Variants in SRRM4 observed in about 807,000 individuals in gnomAD.
The protein encoded by SRRM4 is serine/arginine repetitive matrix 4.
In SRRM4, 33 loss-of-function variants were observed where a neutral mutation model predicts 68.9. That is an observed-to-expected ratio of 0.48 (90% CI 0.36 to 0.64). SRRM4 has a LOEUF of 0.64. Ranked by LOEUF, SRRM4 falls within the 30% of genes least tolerant of loss-of-function variation. The pLI is 0.00. For missense variants in SRRM4, 817 were observed against 827.1 expected, an observed-to-expected ratio of 0.99 and a Z score of 0.15; for synonymous variants, 318 against 318.8, an observed-to-expected ratio of 1.00 and a Z score of 0.03.
chr12:119,023,510 T>C (rs1228328360), intron 1 of SRRM4, among the ~76,000 whole-genome samples: 1 of 152,222 alleles, frequency 6.6e-6, no homozygotes, highest in Non-Finnish European at 1.5e-5. Context: ...TCCAGTCACA[T>C]GGCTAAGGGC....
intron 1 of SRRM4, among the ~76,000 whole-genome samples, chr12:119,099,400 C>T (rs1306792065): frequency 6.6e-6 from 1 of 152,172 alleles, no homozygotes; most frequent in African/African-American, 2.4e-5. Context: ...TCCCGAAGTG[C>T]TGGGATTACA....
At chr12:119,102,735 C>T (rs986589530) in intron 2 of SRRM4, among the ~76,000 whole-genome samples, 1 of 152,162 alleles carries the variant, frequency 6.6e-6, no homozygotes, top group African/African-American at 2.4e-5. Context: ...CGTTCCTTTG[C>T]ATTTTAGTGG....
At chr12:119,071,309 A>G (rs1391384681) in intron 1 of SRRM4, among the ~76,000 whole-genome samples, 1 of 152,182 alleles carries the variant, frequency 6.6e-6, no homozygotes, top group African/African-American at 2.4e-5. Context: ...ATTTTCGTGT[A>G]AGACACAGAT....
intron 1 of SRRM4, among the ~76,000 whole-genome samples, chr12:119,035,029 C>T (rs2136008121): frequency 6.6e-6 from 1 of 152,146 alleles, no homozygotes; most frequent in East Asian, 1.9e-4. Flanking sequence ...CCCTGTCTCT[C>T]ACTATATGAA....
intron 1 of SRRM4, among the ~76,000 whole-genome samples, chr12:119,033,118 T>C (rs1170657861): frequency 2.0e-5 from 3 of 152,194 alleles, no homozygotes; most frequent in African/African-American, 2.4e-5. Context: ...TTCATTAATG[T>C]CTTCACTTAT....
intron 7 of SRRM4, among the ~76,000 whole-genome samples, chr12:119,127,842 G>A (rs1418818254): frequency 1.3e-5 from 2 of 152,176 alleles, no homozygotes; most frequent in Non-Finnish European, 2.9e-5. Context: ...CCTGCTCTGT[G>A]TCAGACACTG....
At chr12:119,105,063 T>C (rs1954098739) in intron 2 of SRRM4, among the ~76,000 whole-genome samples, 1 of 145,734 alleles carries the variant, frequency 6.9e-6, no homozygotes, top group African/African-American at 2.5e-5. Context: ...AGTGAGAACA[T>C]GCGGTGTTTG....
At chr12:119,065,427 G>A (rs902329235) in intron 1 of SRRM4, among the ~76,000 whole-genome samples, 1 of 152,138 alleles carries the variant, frequency 6.6e-6, no homozygotes, top group African/African-American at 2.4e-5. Context: ...TGACAGCCCA[G>A]AGTAGGAGTT....
At chr12:119,129,441 T>G (rs933521255) in intron 7 of SRRM4, among the ~76,000 whole-genome samples, 2 of 148,976 alleles carry the variant, frequency 1.3e-5, no homozygotes, top group Non-Finnish European at 3.0e-5. Context: ...CATTTTTTTT[T>G]CACTAAAGTT....
chr12:119,052,931 A>G (rs1953754042), intron 1 of SRRM4, among the ~76,000 whole-genome samples: 1 of 152,186 alleles, frequency 6.6e-6, no homozygotes, highest in Admixed American at 6.5e-5. Context: ...TATGTTTTTC[A>G]AATTTCTGTA....
chr12:119,156,190 G>A (rs2727679), intron 12 of SRRM4, among the ~76,000 whole-genome samples: 99,799 of 152,070 alleles, frequency 0.66, 33,357 homozygotes, highest in African/African-American at 0.78. Context: ...GTAAAAATAG[G>A]AAAACAAAAC....
chr12:119,063,873 A>G (rs1333027858), intron 1 of SRRM4, among the ~76,000 whole-genome samples: 3 of 152,166 alleles, frequency 2.0e-5, no homozygotes, highest in Non-Finnish European at 1.5e-5. Context: ...AAACAGAGAG[A>G]GATGGGGAAA....
rs116197375 is a variant in SRRM4 at position 119,034,874 on chromosome 12, G to T, written c.131+52861G>T. Among the ~76,000 whole-genome samples the T allele has an allele frequency of 8.2e-3, 1,251 of 152,158 alleles. 15 individuals are homozygous for T. Among genetic ancestry groups the T allele is most frequent in the African/African-American group, 0.029 (1,186 of 41,516 alleles). On this transcript the variant is annotated intron_variant, in intron 1 of 12. Coordinates refer to ENST00000267260, the MANE Select transcript of SRRM4 (RefSeq NM_194286.4). ...ATATCCCTTAAAAATTCATATAATA[G>T]ACTTGGATTTCTATTTTTTACTCAC... is the stretch of plus-strand genomic sequence containing the variant.
rs1360799411 is a variant in SRRM4 at position 119,153,622 on chromosome 12, C to G, written c.1364C>G (p.Pro455Arg). Residue 455 changes from proline (P) to arginine (R), a missense_variant, in exon 11 of 13, where the codon CCT becomes CGT. Pro to Arg is a moderately radical substitution (Grantham distance 103). Coordinates refer to ENST00000267260, the MANE Select transcript of SRRM4 (RefSeq NM_194286.4). ...AGAAGCTCTAGGTCCCGCCGCAGCC[C>G]TAGCTACTCCCGCTACAGCCCCAGC... ...PSRSSRSRRS[P>R]SYSRYSPSRE... 3.2e-6 allele frequency: 5 copies of G among 1,563,470 alleles called. No homozygotes were observed. In the South Asian group the frequency reaches 5.9e-5, roughly 18 times the overall value.
intron 1 of SRRM4, among the ~76,000 whole-genome samples, chr12:119,101,999 T>G (rs1265864529): frequency 2.0e-5 from 3 of 152,180 alleles, no homozygotes; most frequent in African/African-American, 7.2e-5. Context: ...GCGTGGACTC[T>G]AAAGTCGCTA....
chr12:119,031,884 C>T (rs1953594189), intron 1 of SRRM4, among the ~76,000 whole-genome samples: 2 of 150,836 alleles, frequency 1.3e-5, no homozygotes, highest in Admixed American at 1.3e-4. Flanking sequence ...CTGATTTTAC[C>T]ATTTGTTTTA....
intron 12 of SRRM4, among the ~76,000 whole-genome samples, chr12:119,155,205 A>G (rs2087179377): frequency 6.6e-6 from 1 of 152,204 alleles, no homozygotes; most frequent in Non-Finnish European, 1.5e-5. Flanking sequence ...CAGAAGAGAA[A>G]AGCTCTAGCA....
chr12:119,100,715 T>C (rs1172923241), intron 1 of SRRM4, among the ~76,000 whole-genome samples: 1 of 152,176 alleles, frequency 6.6e-6, no homozygotes, highest in African/African-American at 2.4e-5. Flanking sequence ...GAGGCAAGCC[T>C]TGCTGGGTGT....
chr12:118,998,798 A>G (rs1953366115), intron 1 of SRRM4, among the ~76,000 whole-genome samples: 1 of 152,220 alleles, frequency 6.6e-6, no homozygotes, highest in African/African-American at 2.4e-5. Flanking sequence ...GTTTGAATGT[A>G]TATATTTGGC....
Sources: gnomAD v4.1 joint callset for allele counts (sites outside exome capture counted in the v4.1 genomes callset) on GRCh38, gnomAD v4.1.1 for gene constraint, MANE v1.5 for transcripts, NCBI Gene and HGNC (gene_info 2026-07-23, HGNC 2026-07-21) for gene names.